The following RGS20 variants were observed in gnomAD, a reference collection of about 807,000 sequenced individuals.
RGS20 encodes the protein gz-selective GTPase-activating protein.
RGS20 carries 30 observed loss-of-function variants against 33.6 expected under a neutral mutation model. The ratio of observed to expected loss-of-function variants is 0.89; its 90% CI spans 0.67 to 1.21. The LOEUF (loss-of-function observed/expected upper bound fraction) is 1.21. Ranked by LOEUF, RGS20 falls within the 50% of genes most tolerant of loss-of-function variation. RGS20 has a pLI of 0.00. For missense variants in RGS20, 472 were observed against 502.4 expected (o/e 0.94, Z 0.58); for synonymous variants, 208 against 197.9 (o/e 1.05, Z -0.43).
At chr8:53,903,591 C>T (rs1813089293) in intron 2 of RGS20, among the ~76,000 whole-genome samples, 1 of 152,218 alleles carries the variant, frequency 6.6e-6, no homozygotes, top group South Asian at 2.1e-4. Flanking sequence ...ACTTACACAG[C>T]TCAGCACTCT....
intron 2 of RGS20, among the ~76,000 whole-genome samples, chr8:53,916,137 C>A (rs1340765591): frequency 6.6e-6 from 1 of 152,152 alleles, no homozygotes; most frequent in Non-Finnish European, 1.5e-5. Flanking sequence ...ATCCTCCCAC[C>A]TCAACCTCCT....
intron 3 of RGS20, among the ~76,000 whole-genome samples, chr8:53,941,581 A>T (rs752896032): frequency 2.0e-5 from 3 of 152,222 alleles, no homozygotes; most frequent in Admixed American, 2.0e-4. Context: ...TGTCAATGAC[A>T]TACAATCAAA....
intron 2 of RGS20, among the ~76,000 whole-genome samples, chr8:53,936,359 C>T (rs1814135651): frequency 6.6e-6 from 1 of 152,160 alleles, no homozygotes; most frequent in Non-Finnish European, 1.5e-5. Context: ...CTCATCATCT[C>T]AGCCCAAAAT....
chr8:53,896,159 G>A (rs1025048986), intron 2 of RGS20, among the ~76,000 whole-genome samples: 2 of 152,132 alleles, frequency 1.3e-5, no homozygotes, highest in Admixed American at 1.3e-4. Context: ...ATGAGCCTTA[G>A]TCCCTGCTAC....
chr8:53,886,757 A>G (rs1373149357), intron 2 of RGS20, among the ~76,000 whole-genome samples: 2 of 152,192 alleles, frequency 1.3e-5, no homozygotes, highest in Non-Finnish European at 2.9e-5. Flanking sequence ...TCAAGGCTGG[A>G]GCACAAGTTT....
intron 1 of RGS20, among the ~76,000 whole-genome samples, chr8:53,878,359 G>A (rs888302150): frequency 2.0e-5 from 3 of 152,050 alleles, no homozygotes; most frequent in Non-Finnish European, 4.4e-5. Context: ...CATTCCCAAG[G>A]TTAGCCATTA....
At chr8:53,890,827 T>A (rs75625184) in intron 2 of RGS20, among the ~76,000 whole-genome samples, 1 of 152,334 alleles carries the variant, frequency 6.6e-6, no homozygotes, top group Non-Finnish European at 1.5e-5. Context: ...AGATGGGGTC[T>A]CGCTATGTTA....
intron 2 of RGS20, among the ~76,000 whole-genome samples, chr8:53,903,868 G>A (rs1051605780): frequency 6.6e-6 from 1 of 152,150 alleles, no homozygotes; most frequent in Non-Finnish European, 1.5e-5. Flanking sequence ...GGTGAGAATG[G>A]AGGCAGAGTG....
chr8:53,947,902 T>C (rs951259609), intron 4 of RGS20, among the ~76,000 whole-genome samples: 28 of 136,716 alleles, frequency 2.0e-4, no homozygotes, highest in African/African-American at 7.4e-4. Context: ...ATATGCTATA[T>C]ATATGATATA....
chr8:53,858,483 TATATAC>T (rs1811732449), intron 1 of RGS20, among the ~76,000 whole-genome samples: 1 of 151,796 alleles, frequency 6.6e-6, no homozygotes, highest in African/African-American at 2.4e-5. Flanking sequence ...GATGCATATA[TATATAC>T]ATATATATAT....
chr8:53,915,505 C>A (rs1391082348), intron 2 of RGS20, among the ~76,000 whole-genome samples: 1 of 152,202 alleles, frequency 6.6e-6, no homozygotes, highest in East Asian at 1.9e-4. Flanking sequence ...CCCAGTCCAA[C>A]AGTTTTGCAC....
chr8:53,928,991 T>C (rs746989898), intron 2 of RGS20, among the ~76,000 whole-genome samples: 2 of 152,204 alleles, frequency 1.3e-5, no homozygotes, highest in African/African-American at 2.4e-5. Context: ...AATGACTTAT[T>C]GATATATGCA....
intron 2 of RGS20, among the ~76,000 whole-genome samples, chr8:53,936,602 A>G (rs1814143875): frequency 6.6e-6 from 1 of 152,206 alleles, no homozygotes; most frequent in East Asian, 1.9e-4. Flanking sequence ...ATAAGGGAGG[A>G]CACAAACAAA....
chr8:53,901,015 G>A (rs192956662), intron 2 of RGS20, among the ~76,000 whole-genome samples: 68 of 150,590 alleles, frequency 4.5e-4, no homozygotes, highest in Non-Finnish European at 8.3e-4. Flanking sequence ...GTACTCTCTC[G>A]ACCTCGGTCT....
chr8:53,910,777 G>A (rs374316291), intron 2 of RGS20, among the ~76,000 whole-genome samples: 1 of 152,152 alleles, frequency 6.6e-6, no homozygotes, highest in Non-Finnish European at 1.5e-5. Context: ...TGATACACAC[G>A]ACCAGGTGAA....
chr8:53,909,207 GTGTATATATATATATATATATATA>G lies in RGS20; in HGVS notation c.510+29607_510+29630del, dbSNP rs1441996226. Among the ~76,000 whole-genome samples the G allele has an allele frequency of 6.7e-4, 56 of 83,140 alleles. 2 individuals are homozygous for G. Among genetic ancestry groups the G allele is most frequent in the African/African-American group, 2.9e-3 (54 of 18,912 alleles). 54.5% of individuals were successfully genotyped at this position (83,140 alleles called of 152,430 possible). On this transcript the variant is annotated intron_variant, in intron 2 of 5. Coordinates refer to ENST00000297313, the MANE Select transcript of RGS20 (RefSeq NM_170587.4). ...TACTCTATTATCCATTATGGTATGT[GTGTATATATATATATATATATATA>G]TATATATATATATATATATATATAC...
chr8:53,875,832 T>C (rs1241671959), intron 1 of RGS20, among the ~76,000 whole-genome samples: 1 of 152,244 alleles, frequency 6.6e-6, no homozygotes, highest in African/African-American at 2.4e-5. Flanking sequence ...ATTAAGATTC[T>C]GAAGGAACCT....
At chr8:53,923,299 T>C (rs1813701536) in intron 2 of RGS20, among the ~76,000 whole-genome samples, 3 of 152,148 alleles carry the variant, frequency 2.0e-5, no homozygotes, top group African/African-American at 7.2e-5. Context: ...GAGTTTCTTC[T>C]TTAAAAAATA....
chr8:53,887,970 C>T (rs866183092), intron 2 of RGS20, among the ~76,000 whole-genome samples: 48 of 150,214 alleles, frequency 3.2e-4, no homozygotes, highest in Non-Finnish European at 1.2e-4. Context: ...CAGAGTGAGA[C>T]CCTGACTTAA....
Sources: allele counts gnomAD v4.1 joint callset (sites outside exome capture counted in the v4.1 genomes callset), GRCh38; gene constraint gnomAD v4.1.1; transcripts MANE v1.5; gene names NCBI Gene and HGNC (gene_info 2026-07-23, HGNC 2026-07-21).